BUB1: variants seen among roughly 807,000 people sequenced by gnomAD.
BUB1 encodes BUB1 mitotic checkpoint serine/threonine kinase.
BUB1 carries 84 observed loss-of-function variants against 135.2 expected under a neutral mutation model. The ratio of observed to expected loss-of-function variants is 0.62; its 90% CI spans 0.52 to 0.74. The LOEUF (loss-of-function observed/expected upper bound fraction) is 0.74. BUB1 is among the 30% of genes least tolerant of loss of function. The probability of loss-of-function intolerance (pLI) is 0.00; values close to 1 mark genes in which losing one functional copy is unlikely to be tolerated. For synonymous variants in BUB1, 403 were observed against 434.4 expected, an observed-to-expected ratio of 0.93 and a Z score of 0.90; for missense variants, 1,162 against 1,288.3, an observed-to-expected ratio of 0.90 and a Z score of 1.50.
chr2:110,671,636 C>T (rs948774270), intron 4 of BUB1, among the ~76,000 whole-genome samples: 5 of 152,136 alleles, frequency 3.3e-5, no homozygotes, highest in African/African-American at 1.2e-4. Context: ...AGTGTAAAAA[C>T]TCTTCATATA....
At chr2:110,665,567 A>G (rs1690224329) in intron 9 of BUB1, among the ~76,000 whole-genome samples, 1 of 143,880 alleles carries the variant, frequency 7.0e-6, no homozygotes, top group African/African-American at 2.6e-5. Context: ...AAGAAAAAGA[A>G]TGTTTGTGTG....
chr2:110,665,125 G>C (rs190837790), intron 9 of BUB1, among the ~76,000 whole-genome samples: 1 of 152,326 alleles, frequency 6.6e-6, no homozygotes, highest in East Asian at 1.9e-4. Context: ...GAATTAGTTA[G>C]ATATCTATGC....
In BUB1 at chr2:110,641,098, G is replaced by C. The variant is rs757847164; in HGVS notation, c.2891C>G (p.Ala964Gly). The C allele has an allele frequency of 7.4e-6, 12 of 1,613,138 alleles. No individual in the cohort carries two copies. The Admixed American group carries it at 1.0e-4, about 13-fold the overall frequency. ...KLFPKGTIFT[A>G]KCETSGFQCV... ...CTGAAAACCAGATGTTTCACACTTT[G>C]CTGTGAATATAGTTCCTTTTGGAAA... The change falls in exon 23 of 25, where the codon GCA becomes GGA. Residue 964 changes from alanine to glycine, a missense_variant. Transcript: ENST00000302759.
In BUB1 at chr2:110,652,830, G is replaced by C. The variant is rs150002199; in HGVS notation, c.1964+606C>G. Reference sequence around the variant, plus strand: ...AACTTTTTTCAACTATACTTTCTTTGTAATAATTTTAGGTATAAAGAAATG... The same window carrying C: ...AACTTTTTTCAACTATACTTTCTTTCTAATAATTTTAGGTATAAAGAAATG... On this transcript the variant is annotated intron_variant, in intron 17 of 24. Coordinates refer to ENST00000302759, the MANE Select transcript of BUB1 (RefSeq NM_004336.5). 5.3e-3 allele frequency among the ~76,000 whole-genome samples: 804 copies of C among 152,130 alleles called. 12 individuals carry two copies. The highest frequency in any genetic ancestry group is 0.019 in the African/African-American group (769 of 41,486).
At chr2:110,646,735 T>C (rs974032572) in intron 19 of BUB1, among the ~76,000 whole-genome samples, 2 of 152,140 alleles carry the variant, frequency 1.3e-5, no homozygotes, top group African/African-American at 4.8e-5. Flanking sequence ...AAATACAATT[T>C]ACCAAAATTT....
rs765316298 is a variant in BUB1 at position 110,658,611 on chromosome 2, T to A, written c.1405+3A>T. The A allele has an allele frequency of 6.2e-7, 1 of 1,614,222 alleles. No homozygotes were observed. The highest frequency in any genetic ancestry group is 1.1e-5 in the South Asian group (1 of 91,088). ...TGCTACACACTCAGATAAAATACTT[T>A]ACCTAATGCTTCTTTTGTGTGCACG... On this transcript the variant is annotated splice_donor_region_variant and intron_variant, in intron 12 of 24. Coordinates refer to ENST00000302759, the MANE Select transcript of BUB1 (RefSeq NM_004336.5).
intron 9 of BUB1, among the ~76,000 whole-genome samples, chr2:110,665,733 ATAAAG>A (rs976032025): frequency 9.9e-5 from 15 of 152,146 alleles, no homozygotes; most frequent in African/African-American, 3.4e-4. Context: ...ATGTAAGAAA[ATAAAG>A]TATTTTATCT....
Position 110,658,485 on chromosome 2 carries a change from G to A in BUB1, c.1441C>T (p.Pro481Ser). Residue 481 changes from proline to serine, a missense_variant, in exon 13 of 25, where the codon CCT becomes TCT. By Grantham distance (74) the Pro-to-Ser change is moderately conservative. Transcript: ENST00000302759. ...TCATCTTTGTCATCAGAAATATCAG[G>A]AAGTGTAGGAGCCTGAAACATATTC... ...IMNMFQAPTL[P>S]DISDDKDEWQ... is the part of the protein sequence containing the mutation. 2 of 1,614,018 alleles carry A rather than the reference G, an allele frequency of 1.2e-6. No individual in the cohort carries two copies. Among genetic ancestry groups the A allele is most frequent in the Non-Finnish European group, 1.7e-6 (2 of 1,179,988 alleles).
rs1356187636 is a variant in BUB1, at chr2:110,666,311, C to T, written c.909G>A (p.Val303=). The T allele has an allele frequency of 5.2e-6, 8 of 1,523,824 alleles. No homozygotes were observed. Among genetic ancestry groups the T allele is most frequent in the African/African-American group, 1.4e-5 (1 of 71,496 alleles). The allele number at this position is 1,523,824 out of a possible 1,614,324, so 94.4% of individuals were successfully genotyped here. The change falls in exon 9 of 25, where the codon GTG becomes GTA. Residue 303 remains valine (V), a synonymous_variant. Transcript: ENST00000302759. ...GCAGATCCTCATGGGATGTCTCCACCACCTGATGCAACTTCTTATGAAGTT... is the reference window on the plus strand; with the variant it reads ...GCAGATCCTCATGGGATGTCTCCACTACCTGATGCAACTTCTTATGAAGTT... ...MDELHKKLHQ[V]VETSHEDLPA... is the part of the protein sequence containing the mutation.
At chr2:110,645,441 C>CAA (rs764953204) in intron 19 of BUB1, among the ~76,000 whole-genome samples, 7 of 108,212 alleles carry the variant, frequency 6.5e-5, no homozygotes, top group Non-Finnish European at 5.8e-5. Context: ...GACTCCTTCT[C>CAA]AAAAAAAAAA....
At chr2:110,643,583 A>G (rs1412078924) in intron 19 of BUB1, among the ~76,000 whole-genome samples, 1 of 152,226 alleles carries the variant, frequency 6.6e-6, no homozygotes, top group African/African-American at 2.4e-5. Context: ...GAGCCAGAGT[A>G]AGCATCAGAA....
Position 110,648,720 on chromosome 2 carries a change from C to A in BUB1, c.2347+514G>T, listed in dbSNP as rs1689707289. 6.6e-6 allele frequency: 1 copy of A among 152,116 alleles called. No homozygotes were observed. Among genetic ancestry groups the A allele is most frequent in the Non-Finnish European group, 1.5e-5 (1 of 68,008 alleles). The allele number at this position is 152,116 out of a possible 1,614,324, so 9.4% of individuals were successfully genotyped here. On this transcript the variant is annotated intron_variant, in intron 19 of 24. Coordinates refer to ENST00000302759, the MANE Select transcript of BUB1 (RefSeq NM_004336.5). The surrounding 1 kb of genome is among the most constrained non-coding windows in gnomAD (Gnocchi z 4.2). Reference sequence around the variant, plus strand: ...ACTTCTCTTAAAAATAAAGTCTATTCATTAAAAAACTTAAAAGGGAATATT... The same window carrying A: ...ACTTCTCTTAAAAATAAAGTCTATTAATTAAAAAACTTAAAAGGGAATATT...
Position 110,641,296 on chromosome 2 carries a change from A to C in BUB1, c.2783+11T>G. ...GGAAGAGAAGAACCCTGTTAAAAGC[A>C]TAACACTTGCCCGTTTCCAAGTATG... On this transcript the variant is annotated intron_variant, in intron 22 of 24. Coordinates refer to ENST00000302759, the MANE Select transcript of BUB1 (RefSeq NM_004336.5). 3 of 1,602,954 alleles carry C rather than the reference A, an allele frequency of 1.9e-6. No homozygotes were observed. Among genetic ancestry groups the C allele is most frequent in the African/African-American group, 1.3e-5 (1 of 74,610 alleles).
In BUB1 at chr2:110,641,816, T is replaced by G; in HGVS notation, c.2464-13A>C. ...CAGGCTTTTGGACCTGCAAATCAGG[T>G]ATGTGAAATTCATATCCAATCTCGT... On this transcript the variant is annotated splice_polypyrimidine_tract_variant and intron_variant, in intron 20 of 24. Coordinates refer to ENST00000302759, the MANE Select transcript of BUB1 (RefSeq NM_004336.5). 6.3e-7 allele frequency: 1 copy of G among 1,598,592 alleles called. No individual in the cohort carries two copies. Among genetic ancestry groups the G allele is most frequent in the South Asian group, 1.1e-5 (1 of 90,004 alleles).
rs369254989 is a variant in BUB1 at position 110,674,358 on chromosome 2, C to T, written c.34G>A (p.Glu12Lys). 2.5e-6 allele frequency: 4 copies of T among 1,613,798 alleles called. No individual in the cohort carries two copies. The African/African-American group carries it at 5.3e-5, about 22-fold the overall frequency. The change falls in exon 2 of 25, where the codon GAA becomes AAA. Residue 12 changes from glutamate (E) to lysine (K), a missense_variant. Coordinates refer to ENST00000302759, the MANE Select transcript of BUB1 (RefSeq NM_004336.5). Reference sequence around the variant, plus strand: ...CCCTTGTAGCTCTGCATGTGGGCTTCAAGCATCCTAGAAGAGAGAAAGGTA... The same window carrying T: ...CCCTTGTAGCTCTGCATGTGGGCTTTAAGCATCCTAGAAGAGAGAAAGGTA... ...DTPENVLQML[E>K]AHMQSYKGND...
intron 9 of BUB1, among the ~76,000 whole-genome samples, chr2:110,663,099 T>C (rs964276758): frequency 6.2e-4 from 95 of 152,168 alleles, no homozygotes; most frequent in African/African-American, 2.2e-3. Flanking sequence ...GCCAACATAG[T>C]GAAACCTCAT....
chr2:110,642,503 ACTTAGC>A, intron 19 of BUB1: 1 of 216,314 alleles, frequency 4.6e-6, no homozygotes, highest in Non-Finnish European at 9.2e-6. Context: ...CATCATGTCC[ACTTAGC>A]CACTTCTGGA....
In BUB1 at chr2:110,678,039, AC is replaced by A; in HGVS notation, c.-45del. ...GGCAGCGGCCAAACCTGAACCGCAAACTAGAAGCCGCCGCCGATTCGAATAC... is the reference window on the plus strand; with the variant it reads ...GGCAGCGGCCAAACCTGAACCGCAAATAGAAGCCGCCGCCGATTCGAATAC... On this transcript the variant is annotated 5_prime_UTR_variant, in exon 1 of 25. Coordinates refer to ENST00000302759, the MANE Select transcript of BUB1 (RefSeq NM_004336.5). 6.3e-7 allele frequency: 1 copy of A among 1,577,730 alleles called. No individual in the cohort carries two copies.
chr2:110,659,812 T>C (rs1028045527), intron 11 of BUB1, among the ~76,000 whole-genome samples, 166 bp downstream of exon 11: 1 of 152,196 alleles, frequency 6.6e-6, no homozygotes, highest in African/African-American at 2.4e-5. Context: ...ATTTCTACAT[T>C]TATTTGAAAT....
Sources: gnomAD v4.1 joint callset for allele counts (sites outside exome capture counted in the v4.1 genomes callset) on GRCh38, gnomAD v4.1.1 for gene constraint, Gnocchi (gnomAD v3.1) non-coding constraint, MANE v1.5 for transcripts, NCBI Gene and HGNC (gene_info 2026-07-23, HGNC 2026-07-21) for gene names.